CDK5RAP2: variants seen among roughly 807,000 people sequenced by gnomAD.
CDK5RAP2 encodes CDK5 regulatory subunit-associated protein 2.
Under a neutral mutation model 232.9 loss-of-function variants are expected in CDK5RAP2, and 147 were observed. The ratio of observed to expected loss-of-function variants is 0.63; its 90% CI spans 0.55 to 0.72. The LOEUF (loss-of-function observed/expected upper bound fraction) is 0.72. Among genes scored for constraint, CDK5RAP2 ranks in the 30% least tolerant of loss-of-function variants. The pLI is 0.00. For missense variants in CDK5RAP2, 2,195 were observed against 2,231.5 expected, an observed-to-expected ratio of 0.98 and a Z score of 0.33; for synonymous variants, 833 against 833.7, an observed-to-expected ratio of 1.00 and a Z score of 0.01.
In CDK5RAP2 at chr9:120,403,753, C is replaced by T. The variant is rs1330140936; in HGVS notation, c.5041+283G>A. The T allele has an allele frequency of 2.1e-6, 1 of 486,528 alleles. No individual in the cohort carries two copies. The highest frequency in any genetic ancestry group is 2.0e-5 in the African/African-American group (1 of 51,082). 30.1% of individuals were successfully genotyped at this position (486,528 alleles called of 1,614,324 possible). A position where few individuals can be genotyped will look rare whatever the true frequency, so the allele number is the denominator to read the frequency against. On this transcript the variant is annotated intron_variant, in intron 33 of 37. Coordinates refer to ENST00000349780, the MANE Select transcript of CDK5RAP2 (RefSeq NM_018249.6). This position sits in a 1 kb window ranked among gnomAD's most constrained non-coding sequence, Gnocchi z 4.2. ...TAAGGGATAAGGCTGGACGGACCCA[C>T]TGGAGCTGGATCCTGGAGGGCCTTG...
intron 35 of CDK5RAP2, among the ~76,000 whole-genome samples, chr9:120,396,402 T>C (rs543614141): frequency 1.3e-5 from 2 of 152,354 alleles, no homozygotes; most frequent in African/African-American, 4.8e-5. Context: ...AGCTATCACA[T>C]TGCAGTAGAG....
At chr9:120,501,954 C>T (rs1229734018) in intron 12 of CDK5RAP2, among the ~76,000 whole-genome samples, 2 of 152,212 alleles carry the variant, frequency 1.3e-5, no homozygotes, top group Non-Finnish European at 2.9e-5. Flanking sequence ...ATGGATGGGA[C>T]TGCTCCCATT....
At chr9:120,507,930 AAAAAAAAAAAAAAT>A (rs1479077918) in intron 12 of CDK5RAP2, among the ~76,000 whole-genome samples, 2 of 72,086 alleles carry the variant, frequency 2.8e-5, no homozygotes, top group Admixed American at 1.7e-4. Flanking sequence ...AAAAAAAAAA[AAAAAAAAAAAAAAT>A]ATATATATAT....
intron 25 of CDK5RAP2, among the ~76,000 whole-genome samples, chr9:120,431,038 C>T (rs2035254890): frequency 6.6e-6 from 1 of 152,130 alleles, no homozygotes; most frequent in African/African-American, 2.4e-5. Context: ...CGCATGTTCT[C>T]ACTCATAGAT....
At chr9:120,486,698 A>C (rs2038625192) in intron 14 of CDK5RAP2, among the ~76,000 whole-genome samples, 1 of 152,174 alleles carries the variant, frequency 6.6e-6, no homozygotes, top group South Asian at 2.1e-4. Context: ...GAACCAGAGG[A>C]AAACGGGGGA....
chr9:120,458,730 A>G, intron 19 of CDK5RAP2, 108 bp from the exon 20 acceptor site: 1 of 979,374 alleles, frequency 1.0e-6, no homozygotes, highest in Non-Finnish European at 1.6e-6. Context: ...AATAAGCCAG[A>G]CACACTGAGC....
intron 4 of CDK5RAP2, among the ~76,000 whole-genome samples, chr9:120,549,952 T>C (rs988322460): frequency 6.6e-6 from 1 of 152,230 alleles, no homozygotes; most frequent in South Asian, 2.1e-4. Context: ...TTTAAGTTCA[T>C]CTGCTGAAAC....
At position 120,568,355 on chromosome 9, in the gene CDK5RAP2, G is replaced by A. The variant is rs1442396404; in HGVS notation, c.161C>T (p.Pro54Leu). The A allele has an allele frequency of 6.2e-7, 1 of 1,613,698 alleles. No individual in the cohort carries two copies. Among genetic ancestry groups the A allele is most frequent in the Non-Finnish European group, 8.5e-7 (1 of 1,179,740 alleles). Residue 54 changes from proline to leucine, a missense_variant, in exon 3 of 38, where the codon CCC (proline) becomes CTC (leucine). Pro to Leu is a moderately conservative substitution (Grantham distance 98, BLOSUM62 -3). Coordinates refer to ENST00000349780, the MANE Select transcript of CDK5RAP2 (RefSeq NM_018249.6). The part of the protein sequence containing the change: ...LPNVSEETVS[P>L]TRARNMKDFE... ...GTCCTTCATGTTCCGTGCTCTGGTG[G>A]GAGACACTGTTTCTTCTGACACATT...
At position 120,447,933 on chromosome 9, in the gene CDK5RAP2, A is replaced by G. The variant is rs748571152; in HGVS notation, c.2987T>C (p.Met996Thr). The change falls in exon 22 of 38, where the codon ATG becomes ACG. Residue 996 changes from methionine to threonine, a missense_variant. Physicochemically the swap from Met to Thr is moderately conservative, Grantham distance 81 (BLOSUM62 -1). Transcript: ENST00000349780. Reference sequence around the variant, plus strand: ...TTTGTCGGGCGTTGGCCTCCCCTCCATCACTGCTTCAGCCAGAATTAACTT... The same window carrying G: ...TTTGTCGGGCGTTGGCCTCCCCTCCGTCACTGCTTCAGCCAGAATTAACTT... Reference protein sequence around the residue: ...HQKLILAEAVMEGRPTPDKTL... With the variant: ...HQKLILAEAVTEGRPTPDKTL... 8.1e-6 allele frequency: 13 copies of G among 1,614,140 alleles called. No homozygotes were observed. The highest frequency in any genetic ancestry group is 5.5e-5 in the South Asian group (5 of 91,078).
At chr9:120,497,173 G>A (rs1156771012) in intron 12 of CDK5RAP2, among the ~76,000 whole-genome samples, 1 of 130,898 alleles carries the variant, frequency 7.6e-6, no homozygotes, top group Non-Finnish European at 1.5e-5. Flanking sequence ...GATTAAGGGC[G>A]GTGCAAGATG....
rs1200418109 is a variant in CDK5RAP2 at position 120,525,083 on chromosome 9, G to A, written c.1000-5C>T. On this transcript the variant is annotated splice_region_variant and splice_polypyrimidine_tract_variant and intron_variant, in intron 10 of 37. Transcript: ENST00000349780. ...TTCAGAGTTAAGTTCTTCAACCTGG[G>A]GAAAAATAATGAATACCAGCCAAGT... 1 of 1,612,204 alleles carries A rather than the reference G, an allele frequency of 6.2e-7. No individual in the cohort carries two copies. The highest frequency in any genetic ancestry group is 8.5e-7 in the Non-Finnish European group (1 of 1,178,364).
chr9:120,446,473 G>T (rs1266883306), intron 22 of CDK5RAP2, among the ~76,000 whole-genome samples: 1 of 152,090 alleles, frequency 6.6e-6, no homozygotes, highest in Admixed American at 6.6e-5. Context: ...TGATCTGCCC[G>T]CCTTGGCCTC....
chr9:120,477,596 C>T, intron 14 of CDK5RAP2, 146 bp from the exon 15 acceptor site: 1 of 699,012 alleles, frequency 1.4e-6, no homozygotes, highest in Non-Finnish European at 2.6e-6. Flanking sequence ...GCTCAGGCCA[C>T]AGTCAGAGAG....
In CDK5RAP2 at chr9:120,409,277, G is replaced by A. The variant is rs780975152; in HGVS notation, c.4454C>T (p.Ser1485Phe). ...GTGCTCCAGGCTCACGGTCTTCCTG[G>A]AGAGGGACTCTCGTAATTTGTCATT... The part of the protein sequence containing the change: ...KENDKLRESL[S>F]RKTVSLEHLQ... Residue 1485 changes from serine to phenylalanine, a missense_variant, in exon 30 of 38, where the codon TCC becomes TTC. Transcript: ENST00000349780. 5 of 1,611,954 alleles carry A rather than the reference G, an allele frequency of 3.1e-6. No homozygotes were observed. Among genetic ancestry groups the A allele is most frequent in the Non-Finnish European group, 3.4e-6 (4 of 1,179,056 alleles).
chr9:120,411,322 G>T (rs1255105881), intron 29 of CDK5RAP2, 36 bp downstream of exon 29: 1 of 1,245,204 alleles, frequency 8.0e-7, no homozygotes, highest in Non-Finnish European at 1.2e-6. Context: ...GAAGGCTTTG[G>T]CGTTCCAGAC....
intron 1 of CDK5RAP2, among the ~76,000 whole-genome samples, chr9:120,575,335 G>A (rs2132230813): frequency 6.6e-6 from 1 of 152,266 alleles, no homozygotes; most frequent in East Asian, 1.9e-4. Flanking sequence ...TTACAGGCGT[G>A]AGCCACCGCG....
At chr9:120,467,733 C>G (rs1001086047) in intron 18 of CDK5RAP2, 127 bp downstream of exon 18, 4 of 949,944 alleles carry the variant, frequency 4.2e-6, no homozygotes, top group Non-Finnish European at 5.0e-6. Context: ...GCAGCCTCAA[C>G]GTCCTGGGCC....
intron 2 of CDK5RAP2, among the ~76,000 whole-genome samples, chr9:120,569,821 A>C (rs568722444): frequency 6.0e-4 from 92 of 152,302 alleles, no homozygotes; most frequent in Non-Finnish European, 7.2e-4. Flanking sequence ...GAAACAGGGA[A>C]ACCAGTTAGG....
At chr9:120,422,228 C>T (rs546529996) in intron 26 of CDK5RAP2, among the ~76,000 whole-genome samples, 3 of 152,260 alleles carry the variant, frequency 2.0e-5, no homozygotes, top group African/African-American at 4.8e-5. Context: ...GAATGATTTT[C>T]GAACTTCAAG....
Sources: allele counts gnomAD v4.1 joint callset (sites outside exome capture counted in the v4.1 genomes callset), GRCh38; gene constraint gnomAD v4.1.1; non-coding constraint Gnocchi (gnomAD v3.1); transcripts MANE v1.5; gene names NCBI Gene and HGNC (gene_info 2026-07-23, HGNC 2026-07-21).